EYS: variants seen among roughly 807,000 people sequenced by gnomAD.
EYS encodes EGF-like photoreceptor maintenance factor.
A neutral mutation model predicts 282.1 loss-of-function variants in EYS; 250 were observed. The observed-to-expected ratio is 0.89, with a 90% CI of 0.80 to 0.98. The LOEUF (loss-of-function observed/expected upper bound fraction) is 0.98. Among genes scored for constraint, EYS ranks in the 50% least tolerant of loss-of-function variants. EYS has a pLI of 0.00. For synonymous variants in EYS, 1,355 were observed against 1,282.9 expected, an observed-to-expected ratio of 1.06 and a Z score of -1.20; for missense variants, 4,016 against 3,709.0, an observed-to-expected ratio of 1.08 and a Z score of -2.15.
intron 24 of EYS, among the ~76,000 whole-genome samples, chr6:64,609,887 A>AAT (rs1255144633): frequency 1.3e-5 from 2 of 151,180 alleles, no homozygotes; most frequent in African/African-American, 2.4e-5. Flanking sequence ...AGCTTGTCTA[A>AAT]ATATATATAT....
At chr6:63,886,414 A>G (rs1263779532) in intron 35 of EYS, among the ~76,000 whole-genome samples, 1 of 152,210 alleles carries the variant, frequency 6.6e-6, no homozygotes, top group Non-Finnish European at 1.5e-5. Context: ...CAGACTAAAC[A>G]AAAGGAAAAA....
chr6:65,441,554 T>G (rs2150392701), intron 5 of EYS, among the ~76,000 whole-genome samples: 1 of 152,174 alleles, frequency 6.6e-6, no homozygotes, highest in South Asian at 2.1e-4. Flanking sequence ...TGACAGACGG[T>G]TGCAGATCAA....
At chr6:65,139,773 T>C (rs898615032) in intron 12 of EYS, among the ~76,000 whole-genome samples, 1 of 151,880 alleles carries the variant, frequency 6.6e-6, no homozygotes, top group Non-Finnish European at 1.5e-5. Context: ...TAAACTAGTT[T>C]GGCCATTGTG....
intron 8 of EYS, among the ~76,000 whole-genome samples, chr6:65,378,883 AG>A (rs1461699473): frequency 6.6e-6 from 1 of 151,886 alleles, no homozygotes; most frequent in Non-Finnish European, 1.5e-5. Flanking sequence ...GGGGCCTGTC[AG>A]GGGGTGGGGG....
intron 10 of EYS, among the ~76,000 whole-genome samples, chr6:65,343,322 T>TA (rs1192909970): frequency 6.6e-5 from 10 of 151,438 alleles, no homozygotes; most frequent in South Asian, 4.1e-4. Context: ...ATGGCTTTCT[T>TA]AAAATGACCA....
chr6:65,237,891 A>C (rs1766966645), intron 12 of EYS, among the ~76,000 whole-genome samples: 2 of 152,152 alleles, frequency 1.3e-5, no homozygotes, highest in African/African-American at 4.8e-5. Flanking sequence ...AACTGATTAC[A>C]GTGAATCATG....
intron 33 of EYS, among the ~76,000 whole-genome samples, chr6:64,027,032 C>A (rs920333091): frequency 1.3e-5 from 2 of 152,130 alleles, no homozygotes. Flanking sequence ...GAAAAGAATG[C>A]GGCTTTAGCT....
intron 26 of EYS, among the ~76,000 whole-genome samples, chr6:64,533,297 A>G (rs1347775051): frequency 6.6e-6 from 1 of 152,214 alleles, no homozygotes; most frequent in Non-Finnish European, 1.5e-5. Context: ...CTACTTGAAG[A>G]AGTATGTAGT....
intron 12 of EYS, among the ~76,000 whole-genome samples, chr6:65,251,226 A>G (rs894727851): frequency 2.0e-5 from 3 of 151,692 alleles, no homozygotes; most frequent in African/African-American, 7.2e-5. Context: ...AAAATTAAAA[A>G]TGAATGCATA....
At position 65,447,409 on chromosome 6, in the gene EYS, T is replaced by G. The variant is rs1163358566; in HGVS notation, c.863-42042A>C. Among the ~76,000 whole-genome samples, 3 of 148,114 alleles carry G rather than the reference T, an allele frequency of 2.0e-5. No individual in the cohort carries two copies. In the East Asian group the frequency reaches 5.8e-4, roughly 29 times the overall value. On this transcript the variant is annotated intron_variant, in intron 5 of 42. Transcript: ENST00000503581. ...ATAATTATATATATAATTAGAATTA[T>G]AAATTTACTGTACTGAGTCATAAAT...
chr6:64,265,846 T>C (rs1416114510), intron 30 of EYS, among the ~76,000 whole-genome samples: 1 of 152,154 alleles, frequency 6.6e-6, no homozygotes, highest in Non-Finnish European at 1.5e-5. Context: ...TTTAGAGCAT[T>C]GCCTTGATTA....
intron 19 of EYS, among the ~76,000 whole-genome samples, chr6:64,859,717 C>G (rs1733898325): frequency 6.6e-6 from 1 of 152,182 alleles, no homozygotes; most frequent in East Asian, 1.9e-4. Flanking sequence ...TCCCCAGCCA[C>G]GTGGAACTGT....
intron 19 of EYS, among the ~76,000 whole-genome samples, chr6:64,837,140 T>G (rs552000920): frequency 6.6e-6 from 1 of 151,748 alleles, no homozygotes; most frequent in Non-Finnish European, 1.5e-5. Context: ...CTTTTTGTGG[T>G]AGGCATTTTG....
intron 12 of EYS, among the ~76,000 whole-genome samples, chr6:65,158,377 A>C (rs978670307): frequency 6.6e-6 from 1 of 150,918 alleles, no homozygotes; most frequent in African/African-American, 2.4e-5. Flanking sequence ...TTTATCTCAA[A>C]AATTAATTAA....
chr6:65,666,729 G>C (rs1768213751), intron 1 of EYS, among the ~76,000 whole-genome samples: 3 of 151,222 alleles, frequency 2.0e-5, no homozygotes, highest in Admixed American at 2.0e-4. Context: ...TGAGACTATA[G>C]AAACCATATG....
intron 1 of EYS, among the ~76,000 whole-genome samples, chr6:65,698,539 C>T (rs774951315): frequency 1.3e-5 from 2 of 152,140 alleles, no homozygotes; most frequent in Non-Finnish European, 2.9e-5. Flanking sequence ...ATGAAGAATG[C>T]ATCTAGAAAT....
At chr6:64,078,273 C>T (rs1218685760) in intron 32 of EYS, among the ~76,000 whole-genome samples, 1 of 151,998 alleles carries the variant, frequency 6.6e-6, no homozygotes, top group African/African-American at 2.4e-5. Flanking sequence ...GCAACTCAAA[C>T]AAAATCAACA....
At position 63,721,282 on chromosome 6, in the gene EYS, A is replaced by G. The variant is rs1421417844; in HGVS notation, c.8749T>C (p.Leu2917=). 1.3e-6 allele frequency: 2 copies of G among 1,551,872 alleles called. No individual in the cohort carries two copies. The highest frequency in any genetic ancestry group is 2.7e-5 in the African/African-American group (2 of 73,044). The change falls in exon 43 of 43, where the codon TTG becomes CTG. Residue 2917 remains leucine, a synonymous_variant. Coordinates refer to ENST00000503581, the MANE Select transcript of EYS (RefSeq NM_001142800.2). The part of the protein sequence containing the change: ...GNTCNQSVSC[L]NNLCLHQSLC... ...GATTGGTGGAGGCAAAGATTATTCA[A>G]ACAGGACACAGACTGGTTACATGTA...
intron 19 of EYS, among the ~76,000 whole-genome samples, chr6:64,882,521 T>C (rs931210987): frequency 6.6e-6 from 1 of 151,690 alleles, no homozygotes; most frequent in Non-Finnish European, 1.5e-5. Flanking sequence ...ATGTTAATAA[T>C]GTTGCTGTCG....
Sources: gnomAD v4.1 joint callset for allele counts (sites outside exome capture counted in the v4.1 genomes callset) on GRCh38, gnomAD v4.1.1 for gene constraint, MANE v1.5 for transcripts, NCBI Gene and HGNC (gene_info 2026-07-23, HGNC 2026-07-21) for gene names.